The following RASGEF1B variants were observed in gnomAD, a reference collection of about 807,000 sequenced individuals.
The protein encoded by RASGEF1B is ras-GEF domain-containing family member 1B.
In RASGEF1B, 30 loss-of-function variants were observed where a neutral mutation model predicts 65.7. That is an observed-to-expected ratio of 0.46 (90% CI 0.34 to 0.62). The LOEUF (loss-of-function observed/expected upper bound fraction) is 0.62. Among genes scored for constraint, RASGEF1B ranks in the 20% least tolerant of loss-of-function variants. The pLI, the probability that RASGEF1B is intolerant of heterozygous loss-of-function variation, is 0.01. For missense variants in RASGEF1B, 495 were observed against 580.1 expected (o/e 0.85, Z 1.51); for synonymous variants, 175 against 194.8 (o/e 0.90, Z 0.85).
intron 6 of RASGEF1B, among the ~76,000 whole-genome samples, chr4:81,446,327 C>T (rs145423428): frequency 3.9e-5 from 6 of 152,324 alleles, no homozygotes; most frequent in East Asian, 3.9e-4. Flanking sequence ...GAACCGGGAT[C>T]GTGCCACTGC....
chr4:81,443,372 C>T (rs959722083), intron 8 of RASGEF1B, among the ~76,000 whole-genome samples: 12 of 152,170 alleles, frequency 7.9e-5, no homozygotes, highest in African/African-American at 2.9e-4. Flanking sequence ...CATGTATTAC[C>T]ACTCCAATCA....
At chr4:81,438,425 C>T (rs1013003540) in intron 10 of RASGEF1B, among the ~76,000 whole-genome samples, 1 of 152,270 alleles carries the variant, frequency 6.6e-6, no homozygotes, top group Non-Finnish European at 1.5e-5. Context: ...GCTGGGATTA[C>T]AGGCGTGGGC....
chr4:81,466,768 A>AAAAAAAAAG (rs1722831013), intron 1 of RASGEF1B, among the ~76,000 whole-genome samples: 1 of 136,102 alleles, frequency 7.3e-6, no homozygotes. Context: ...CAAAAAAAAA[A>AAAAAAAAAG]AAAAAGAAAG....
chr4:81,461,405 A>G (rs915869950), intron 1 of RASGEF1B, among the ~76,000 whole-genome samples: 1 of 152,212 alleles, frequency 6.6e-6, no homozygotes, highest in Non-Finnish European at 1.5e-5. Context: ...ATGCAGCATG[A>G]GGAGTGTCAT....
At chr4:81,457,729 T>A (rs1722499946) in intron 2 of RASGEF1B, 108 bp from the exon 3 acceptor site, 1 of 1,282,634 alleles carries the variant, frequency 7.8e-7, no homozygotes, top group Non-Finnish European at 1.1e-6. Context: ...GTTCATATGC[T>A]GCAGTTTCAA....
intron 4 of RASGEF1B, chr4:81,454,639 A>T (rs1722380879): frequency 6.6e-6 from 1 of 152,214 alleles, no homozygotes; most frequent in Non-Finnish European, 1.5e-5. Flanking sequence ...TAAGCAAGGG[A>T]CCTATCAATT....
intron 1 of RASGEF1B, among the ~76,000 whole-genome samples, chr4:81,470,311 C>T (rs762908258): frequency 3.3e-5 from 5 of 152,190 alleles, no homozygotes; most frequent in Non-Finnish European, 5.9e-5. Context: ...GGTATATACG[C>T]TGCTTAACTG....
Position 81,445,548 on chromosome 4 carries a change from G to A in RASGEF1B, c.906C>T (p.Phe302=), listed in dbSNP as rs1721988228. 1 of 1,611,762 alleles carries A rather than the reference G, an allele frequency of 6.2e-7. No individual in the cohort carries two copies. Among genetic ancestry groups the A allele is most frequent in the East Asian group, 2.2e-5 (1 of 44,858 alleles). Residue 302 remains phenylalanine (F), a synonymous_variant, in exon 8 of 14, where the codon TTC becomes TTT. Coordinates refer to ENST00000264400, the MANE Select transcript of RASGEF1B (RefSeq NM_152545.3). ...CACAGATTATCGCCATCAAGGAGTTGAAGTTGCCAATGTTAAAACACTCCC... is the reference window on the plus strand; with the variant it reads ...CACAGATTATCGCCATCAAGGAGTTAAAGTTGCCAATGTTAAAACACTCCC... ...VARECFNIGN[F]NSLMAIISGM... is the part of the protein sequence containing the mutation.
intron 10 of RASGEF1B, among the ~76,000 whole-genome samples, chr4:81,435,661 G>C (rs1721601729): frequency 6.7e-6 from 1 of 148,440 alleles, no homozygotes; most frequent in Admixed American, 6.7e-5. Flanking sequence ...TTTTTTAGTA[G>C]AGACAGGGTT....
chr4:81,467,564 T>C (rs1036931183), intron 1 of RASGEF1B, among the ~76,000 whole-genome samples: 1 of 152,226 alleles, frequency 6.6e-6, no homozygotes, highest in Non-Finnish European at 1.5e-5. Flanking sequence ...ATGCAGTTCC[T>C]AAACCGGACA....
intron 4 of RASGEF1B, among the ~76,000 whole-genome samples, chr4:81,449,425 T>G (rs1032352315): frequency 2.6e-5 from 4 of 152,240 alleles, no homozygotes; most frequent in Non-Finnish European, 4.4e-5. Context: ...AGAAATGACT[T>G]CATAATCCAT....
At chr4:81,463,596 A>G (rs1016123767) in intron 1 of RASGEF1B, among the ~76,000 whole-genome samples, 3 of 152,214 alleles carry the variant, frequency 2.0e-5, no homozygotes, top group African/African-American at 7.2e-5. Flanking sequence ...TGGCCAGTCT[A>G]GCTGTTTTCG....
chr4:81,441,215 C>A (rs1721823487), intron 9 of RASGEF1B, among the ~76,000 whole-genome samples: 1 of 152,090 alleles, frequency 6.6e-6, no homozygotes, highest in South Asian at 2.1e-4. Context: ...AAATAAGAGT[C>A]AAACACCAGC....
chr4:81,446,981 C>T (rs1722048565), intron 6 of RASGEF1B, among the ~76,000 whole-genome samples: 1 of 152,190 alleles, frequency 6.6e-6, no homozygotes. Flanking sequence ...TATGTGTACA[C>T]TGATTTGACA....
intron 1 of RASGEF1B, among the ~76,000 whole-genome samples, chr4:81,469,644 T>C (rs1560715125): frequency 1.4e-5 from 2 of 138,134 alleles, no homozygotes; most frequent in African/African-American, 5.6e-5. Context: ...TGTACATATA[T>C]GTGTATATAT....
At chr4:81,429,265 G>A (rs1339500182) in intron 13 of RASGEF1B, among the ~76,000 whole-genome samples, 1 of 152,168 alleles carries the variant, frequency 6.6e-6, no homozygotes, top group Non-Finnish European at 1.5e-5. Context: ...AGAACAGACA[G>A]GATATGGAAA....
intron 1 of RASGEF1B, among the ~76,000 whole-genome samples, chr4:81,465,096 AAAAG>A (rs1220307297): frequency 2.8e-4 from 43 of 152,042 alleles, no homozygotes; most frequent in African/African-American, 1.0e-3. Flanking sequence ...AAAAAAAAAA[AAAAG>A]AAAGAAAGAA....
At chr4:81,462,295 C>T (rs1444893) in intron 1 of RASGEF1B, among the ~76,000 whole-genome samples, 52,432 of 152,108 alleles carry the variant, frequency 0.34, 14,216 homozygotes, top group African/African-American at 0.76. Context: ...ATACCACTTG[C>T]AGTATTTCTC....
intron 1 of RASGEF1B, among the ~76,000 whole-genome samples, chr4:81,468,430 G>A (rs928635424): frequency 6.6e-6 from 1 of 152,042 alleles, no homozygotes; most frequent in South Asian, 2.1e-4. Context: ...TCTAAGCAGG[G>A]TTTCCTAATA....
Sources: gnomAD v4.1 joint callset for allele counts (sites outside exome capture counted in the v4.1 genomes callset) on GRCh38, gnomAD v4.1.1 for gene constraint, MANE v1.5 for transcripts, NCBI Gene and HGNC (gene_info 2026-07-23, HGNC 2026-07-21) for gene names.